The following FERRY3 variants were observed in gnomAD, a reference collection of about 807,000 sequenced individuals.
FERRY3 encodes protein C12orf4.
At chr12:4,513,557 TG>T in the FERRY3 span, among the ~76,000 whole-genome samples, 1 of 151,354 alleles carries the variant, frequency 6.6e-6, no homozygotes, top group Admixed American at 6.6e-5. Context: ...TATAGATCAA[TG>T]GAACAGAACA....
chr12:4,500,119 G>C, the FERRY3 span: 1 of 1,588,704 alleles, frequency 6.3e-7, no homozygotes, highest in Admixed American at 1.7e-5. Flanking sequence ...AAAATTACAG[G>C]ATTTTTCTAT....
chr12:4,519,759 G>A, the FERRY3 span, among the ~76,000 whole-genome samples: 8 of 152,286 alleles, frequency 5.3e-5, no homozygotes, highest in Non-Finnish European at 7.3e-5. The surrounding 1 kb of genome is among the most constrained non-coding windows in gnomAD (Gnocchi z 4.3). Flanking sequence ...TCCGCTCAGC[G>A]GCAGCATTAG....
At chr12:4,489,403 G>T in the FERRY3 span, 605 of 153,520 alleles carry the variant, frequency 3.9e-3, 3 homozygotes, top group African/African-American at 0.014. Flanking sequence ...GGCAAAGAAA[G>T]TAAAAGGAAA....
the FERRY3 span, among the ~76,000 whole-genome samples, chr12:4,508,401 G>A: frequency 6.6e-6 from 1 of 152,150 alleles, no homozygotes; most frequent in Non-Finnish European, 1.5e-5. Context: ...CAATTTTAAA[G>A]CTTACCACAT....
chr12:4,519,694 C>G, the FERRY3 span, among the ~76,000 whole-genome samples: 1 of 152,212 alleles, frequency 6.6e-6, no homozygotes, highest in African/African-American at 2.4e-5. This position sits in a 1 kb window ranked among gnomAD's most constrained non-coding sequence, Gnocchi z 4.3. Context: ...CCGGGCCGCA[C>G]AGCAGGAAGT....
the FERRY3 span, among the ~76,000 whole-genome samples, chr12:4,516,743 T>C: frequency 2.6e-5 from 4 of 152,142 alleles, no homozygotes; most frequent in African/African-American, 9.6e-5. Flanking sequence ...GAATAGGTAA[T>C]AGACGATGGG....
chr12:4,529,366 G>T, the FERRY3 span, among the ~76,000 whole-genome samples: 1 of 152,168 alleles, frequency 6.6e-6, no homozygotes, highest in Admixed American at 6.5e-5. Flanking sequence ...GTCATAGTTA[G>T]AGCAGGGCAA....
the FERRY3 span, among the ~76,000 whole-genome samples, chr12:4,533,636 A>G: frequency 2.0e-5 from 3 of 152,206 alleles, no homozygotes; most frequent in African/African-American, 7.2e-5. Flanking sequence ...GAAACAGGGT[A>G]TATTATTTAA....
the FERRY3 span, among the ~76,000 whole-genome samples, chr12:4,526,460 A>C: frequency 4.5e-4 from 69 of 152,362 alleles, no homozygotes; most frequent in African/African-American, 1.7e-3. Flanking sequence ...TTCTAAAACA[A>C]ATTTCTAACA....
the FERRY3 span, chr12:4,490,037 C>A: frequency 1.7e-6 from 1 of 576,716 alleles, no homozygotes; most frequent in Non-Finnish European, 3.0e-6. Flanking sequence ...CTTTCATGGC[C>A]GATGTAACTG....
At chr12:4,528,896 TACACACACACACACAC>T in the FERRY3 span, among the ~76,000 whole-genome samples, 111 of 131,616 alleles carry the variant, frequency 8.4e-4, no homozygotes, top group South Asian at 3.2e-3. Context: ...TTAAATCAGT[TACACACACACACACAC>T]ACACACACAC....
chr12:4,500,351 T>C, the FERRY3 span: 1 of 1,607,870 alleles, frequency 6.2e-7, no homozygotes, highest in Non-Finnish European at 8.5e-7. Flanking sequence ...CTGTGAACAA[T>C]AAATACAATC....
At chr12:4,528,907 ACAC>A in the FERRY3 span, among the ~76,000 whole-genome samples, 3 of 125,132 alleles carry the variant, frequency 2.4e-5, 1 homozygote, top group South Asian at 6.8e-4. Context: ...ACACACACAC[ACAC>A]ACACACACAC....
the FERRY3 span, among the ~76,000 whole-genome samples, chr12:4,523,977 AG>A: frequency 6.6e-6 from 1 of 152,208 alleles, no homozygotes; most frequent in South Asian, 2.1e-4. Context: ...TTAAAAAAAA[AG>A]AAATTGATTC....
chr12:4,491,154 GTCAGAGAGAAGATTATGCTCACCTT>G, the FERRY3 span: 1 of 1,610,204 alleles, frequency 6.2e-7, no homozygotes, highest in Non-Finnish European at 8.5e-7. Context: ...GGTGGTGGTT[GTCAGAGAGAAGATTATGCTCACCTT>G]TGACACACTT....
the FERRY3 span, among the ~76,000 whole-genome samples, chr12:4,533,751 AAACACAG>A: frequency 6.6e-6 from 1 of 152,238 alleles, no homozygotes; most frequent in Non-Finnish European, 1.5e-5. Context: ...TTGCCAGATA[AAACACAG>A]AACACTCACT....
At chr12:4,513,977 A>T in the FERRY3 span, among the ~76,000 whole-genome samples, 1 of 151,602 alleles carries the variant, frequency 6.6e-6, no homozygotes, top group East Asian at 1.9e-4. Context: ...ATGGGAGAAA[A>T]TTTTCACAAC....
the FERRY3 span, chr12:4,538,375 C>T: frequency 6.5e-6 from 1 of 154,970 alleles, no homozygotes; most frequent in African/African-American, 2.4e-5. Flanking sequence ...GGTTGTCAGT[C>T]TGAAAGGGCA....
the FERRY3 span, chr12:4,490,504 T>C: frequency 6.4e-7 from 1 of 1,570,590 alleles, no homozygotes; most frequent in Non-Finnish European, 8.7e-7. Context: ...TGGGGTGAGA[T>C]CTATTCAGAT....
Sources: allele counts gnomAD v4.1 joint callset (sites outside exome capture counted in the v4.1 genomes callset), GRCh38; gene constraint gnomAD v4.1.1; non-coding constraint Gnocchi (gnomAD v3.1); transcripts MANE v1.5; gene names NCBI Gene and HGNC (gene_info 2026-07-23, HGNC 2026-07-21).